MRPL1: variants seen among roughly 807,000 people sequenced by gnomAD.
The protein encoded by MRPL1 is mitochondrial ribosomal protein L1, also known as large ribosomal subunit protein uL1m.
MRPL1 carries 28 observed loss-of-function variants against 38.0 expected under a neutral mutation model. The ratio of observed to expected loss-of-function variants is 0.74; its 90% CI spans 0.55 to 1.01. The LOEUF (loss-of-function observed/expected upper bound fraction) is 1.01, where lower values mean the gene tolerates loss of function less well. MRPL1 is among the 50% of genes least tolerant of loss of function. The pLI, the probability that MRPL1 is intolerant of heterozygous loss-of-function variation, is 0.00. For missense variants in MRPL1, 358 were observed against 389.8 expected (o/e 0.92, Z 0.69); for synonymous variants, 123 against 126.7 (o/e 0.97, Z 0.20).
chr4:77,913,247 G>C (rs534510821), intron 7 of MRPL1, among the ~76,000 whole-genome samples: 2 of 151,852 alleles, frequency 1.3e-5, no homozygotes, highest in Non-Finnish European at 2.9e-5. Flanking sequence ...TTACAGACTG[G>C]GAAAAATATT....
intron 2 of MRPL1, among the ~76,000 whole-genome samples, chr4:77,878,470 A>G (rs1276240032): frequency 6.6e-6 from 1 of 151,682 alleles, no homozygotes; most frequent in African/African-American, 2.4e-5. Context: ...ATTTCCCCCC[A>G]CTAATGTCCC....
intron 2 of MRPL1, among the ~76,000 whole-genome samples, chr4:77,877,863 C>T (rs115250576): frequency 8.0e-4 from 121 of 150,996 alleles, no homozygotes; most frequent in African/African-American, 2.8e-3. Flanking sequence ...AGACACAGTG[C>T]GTGTTTACCT....
At position 77,885,294 on chromosome 4, in the gene MRPL1, A is replaced by G. The variant is rs1417585905; in HGVS notation, c.441A>G (p.Pro147=). The change falls in exon 4 of 9, where the codon CCA becomes CCG. Residue 147 remains proline, a synonymous_variant. Coordinates refer to ENST00000315567, the MANE Select transcript of MRPL1 (RefSeq NM_020236.4). ...CATTTACCAGTGTTCTTAGTTTGCCATACCCATTTGCTTCCGAAATCAATA... is the reference window on the plus strand; with the variant it reads ...CATTTACCAGTGTTCTTAGTTTGCCGTACCCATTTGCTTCCGAAATCAATA... The part of the protein sequence containing the change: ...VEPFTSVLSL[P]YPFASEINKV... The G allele has an allele frequency of 4.3e-6, 7 of 1,614,082 alleles. No individual in the cohort carries two copies. Among genetic ancestry groups the G allele is most frequent in the African/African-American group, 2.7e-5 (2 of 75,064 alleles).
intron 6 of MRPL1, among the ~76,000 whole-genome samples, chr4:77,901,310 ATT>A (rs1224994978): frequency 1.2e-4 from 19 of 152,246 alleles, no homozygotes; most frequent in Admixed American, 5.2e-4. Flanking sequence ...ATATGCTAAA[ATT>A]TTTTTATTTA....
In MRPL1 at chr4:77,862,846, A is replaced by G. The variant is rs760518378; in HGVS notation, c.-3A>G. On this transcript the variant is annotated 5_prime_UTR_variant, in exon 1 of 9. Coordinates refer to ENST00000315567, the MANE Select transcript of MRPL1 (RefSeq NM_020236.4). ...TTCGTGAACGCAATCCGGAGTGCCC[A>G]ACATGGCGGCGGCCGTAAGGTGCAT... The G allele has an allele frequency of 4.3e-6, 7 of 1,614,142 alleles. No individual in the cohort carries two copies. The highest frequency in any genetic ancestry group is 5.9e-6 in the Non-Finnish European group (7 of 1,180,016).
chr4:77,895,031 G>T (rs1374386219), intron 6 of MRPL1, among the ~76,000 whole-genome samples: 3 of 152,078 alleles, frequency 2.0e-5, no homozygotes, highest in Non-Finnish European at 4.4e-5. Context: ...AAATAGAAGA[G>T]AATAATGGGA....
chr4:77,935,946 A>AAT (rs1553908088), intron 7 of MRPL1, among the ~76,000 whole-genome samples: 10,562 of 150,434 alleles, frequency 0.07, 661 homozygotes, highest in African/African-American at 0.17. Context: ...AAAAAAAAAA[A>AAT]AGTAAACTCT....
intron 1 of MRPL1, 83 bp downstream of exon 1, chr4:77,862,962 C>A (rs921650617): frequency 6.5e-7 from 1 of 1,542,392 alleles, no homozygotes; most frequent in African/African-American, 1.4e-5. Context: ...GGATTCTGCT[C>A]TGGGTGCTGA....
At position 77,875,805 on chromosome 4, in the gene MRPL1, G is replaced by A. The variant is rs115935681; in HGVS notation, c.143+3950G>A. Among the ~76,000 whole-genome samples the A allele has an allele frequency of 4.2e-3, 643 of 152,174 alleles. 7 individuals are homozygous for A. Among genetic ancestry groups the A allele is most frequent in the African/African-American group, 0.015 (619 of 41,504 alleles). ...TGGCAGAAATCTAACAAGAAAGGAG[G>A]CTTCCTTTGAGTGTGAATAGTGCCT... On this transcript the variant is annotated intron_variant, in intron 2 of 8. Coordinates refer to ENST00000315567, the MANE Select transcript of MRPL1 (RefSeq NM_020236.4).
chr4:77,883,465 C>T lies in MRPL1; in HGVS notation c.367C>T (p.Leu123Phe), dbSNP rs777696778. Reference sequence around the variant, plus strand: ...TACTAGTCCAAAGCAAAGTGTTTATCTTGATTTGACACTGGATATGGCACT... The same window carrying T: ...TACTAGTCCAAAGCAAAGTGTTTATTTTGATTTGACACTGGATATGGCACT... ...DFTSPKQSVY[L>F]DLTLDMALGK... is the part of the protein sequence containing the mutation. The change falls in exon 3 of 9, where the codon CTT (leucine) becomes TTT (phenylalanine). Residue 123 changes from leucine to phenylalanine, a missense_variant. By Grantham distance (22) the Leu-to-Phe change is conservative (BLOSUM62 0). Transcript: ENST00000315567. The T allele has an allele frequency of 6.2e-7, 1 of 1,613,432 alleles. No individual in the cohort carries two copies. The highest frequency in any genetic ancestry group is 1.3e-5 in the African/African-American group (1 of 74,874).
intron 7 of MRPL1, among the ~76,000 whole-genome samples, chr4:77,933,320 C>G (rs1736890531): frequency 6.6e-6 from 1 of 152,056 alleles, no homozygotes; most frequent in Non-Finnish European, 1.5e-5. Context: ...TTTTCTCTGT[C>G]TTTGTCCTCT....
chr4:77,911,260 CTT>C (rs1472921920), intron 7 of MRPL1, among the ~76,000 whole-genome samples: 2 of 152,102 alleles, frequency 1.3e-5, no homozygotes, highest in Non-Finnish European at 2.9e-5. Flanking sequence ...TTAAATCTGT[CTT>C]AAGTAATGTT....
At chr4:77,914,794 G>A (rs774810042) in intron 7 of MRPL1, among the ~76,000 whole-genome samples, 1 of 152,070 alleles carries the variant, frequency 6.6e-6, no homozygotes, top group East Asian at 1.9e-4. Flanking sequence ...GGGCACTGAC[G>A]GTATGACGGT....
chr4:77,899,283 A>G (rs911639312), intron 6 of MRPL1, among the ~76,000 whole-genome samples: 3 of 151,798 alleles, frequency 2.0e-5, no homozygotes, highest in African/African-American at 7.3e-5. Flanking sequence ...CTGGGATTAC[A>G]GGCATGTGCA....
chr4:77,930,266 A>G (rs1736814552), intron 7 of MRPL1, among the ~76,000 whole-genome samples: 1 of 152,162 alleles, frequency 6.6e-6, no homozygotes, highest in Admixed American at 6.5e-5. Context: ...TCCCTGGGCT[A>G]TGGACTGATA....
chr4:77,863,987 A>T lies in MRPL1; in HGVS notation c.31+1108A>T, dbSNP rs143316821. On this transcript the variant is annotated intron_variant, in intron 1 of 8. Transcript: ENST00000315567. ...TAGGTCAGTGATACATGTATATTTAACACTGCATCACAGTTTTTTTTTTTT... is the reference window on the plus strand; with the variant it reads ...TAGGTCAGTGATACATGTATATTTATCACTGCATCACAGTTTTTTTTTTTT... Among the ~76,000 whole-genome samples, 620 of 145,518 alleles carry T rather than the reference A, an allele frequency of 4.3e-3. 2 individuals are homozygous for T. The highest frequency in any genetic ancestry group is 0.014 in the Middle Eastern group (4 of 290).
At chr4:77,912,632 C>T (rs986408612) in intron 7 of MRPL1, among the ~76,000 whole-genome samples, 2 of 152,038 alleles carry the variant, frequency 1.3e-5, no homozygotes, top group Non-Finnish European at 2.9e-5. Flanking sequence ...CAATTTTCCC[C>T]AAGGTAATCT....
intron 2 of MRPL1, among the ~76,000 whole-genome samples, chr4:77,880,232 C>G (rs1735505623): frequency 6.6e-6 from 1 of 152,126 alleles, no homozygotes; most frequent in Admixed American, 6.5e-5. Flanking sequence ...TCTGGAGGCT[C>G]TAGGGGATAA....
At chr4:77,939,524 G>A (rs532952330) in intron 7 of MRPL1, among the ~76,000 whole-genome samples, 7 of 152,192 alleles carry the variant, frequency 4.6e-5, no homozygotes, top group Middle Eastern at 3.4e-3. Flanking sequence ...CTTTTGCTGC[G>A]CAGAAGCTTT....
Sources: gnomAD v4.1 joint callset for allele counts (sites outside exome capture counted in the v4.1 genomes callset) on GRCh38, gnomAD v4.1.1 for gene constraint, MANE v1.5 for transcripts, NCBI Gene and HGNC (gene_info 2026-07-23, HGNC 2026-07-21) for gene names.